The following SLC4A11 variants were observed in gnomAD, a reference collection of about 807,000 sequenced individuals.
SLC4A11 encodes bicarbonate transporter related protein 1.
Under a neutral mutation model 95.0 loss-of-function variants are expected in SLC4A11, and 74 were observed. The ratio of observed to expected loss-of-function variants is 0.78; its 90% CI spans 0.65 to 0.95. SLC4A11 has a LOEUF of 0.95. SLC4A11 is among the 40% of genes least tolerant of loss of function. SLC4A11 has a pLI of 0.00. For synonymous variants in SLC4A11, 548 were observed against 519.0 expected, an observed-to-expected ratio of 1.06 and a Z score of -0.76; for missense variants, 1,081 against 1,192.4, an observed-to-expected ratio of 0.91 and a Z score of 1.38.
chr20:3,238,914 C>T (rs998490813), intron 1 of SLC4A11, 181 bp downstream of exon 1: 8 of 1,258,870 alleles, frequency 6.4e-6, no homozygotes, highest in African/African-American at 6.3e-5. Flanking sequence ...CGCGAAGCCG[C>T]GCCCGGGCCT....
chr20:3,234,261 A>G lies in SLC4A11; in HGVS notation c.345T>C (p.Asp115=). The G allele has an allele frequency of 6.2e-7, 1 of 1,614,072 alleles. No individual in the cohort carries two copies. Among genetic ancestry groups the G allele is most frequent in the Non-Finnish European group, 8.5e-7 (1 of 1,180,022 alleles). Residue 115 remains aspartate, a synonymous_variant, in exon 5 of 20, where the codon GAT becomes GAC. Transcript: ENST00000642402. This position sits in a 1 kb window ranked among gnomAD's most constrained non-coding sequence, Gnocchi z 5.8. ...KEEIRAHRDL[D]GFLAQASIVL... The stretch of plus-strand genomic sequence containing the variant: ...CGATGCTGGCCTGCGCCAGGAAGCC[A>G]TCTAGGTCGCGGTGCGCACGGATCT...
Position 3,229,017 on chromosome 20 carries a change from G to T in SLC4A11, c.2019-6C>A. The T allele has an allele frequency of 1.2e-6, 2 of 1,612,666 alleles. No homozygotes were observed. The highest frequency in any genetic ancestry group is 1.7e-6 in the Non-Finnish European group (2 of 1,179,800). ...AGGCAGTGCCCTTCACCAGCCTGCA[G>T]CAGACGGGCACTCGTGGACAGAGCC... On this transcript the variant is annotated splice_polypyrimidine_tract_variant and splice_region_variant and intron_variant, in intron 16 of 19. Transcript: ENST00000642402.
At chr20:3,235,529 C>A (rs1431523831) in intron 2 of SLC4A11, among the ~76,000 whole-genome samples, 1 of 152,082 alleles carries the variant, frequency 6.6e-6, no homozygotes, top group South Asian at 2.1e-4. Context: ...TCATGTCAGC[C>A]CTGCCCCCAT....
Position 3,234,016 on chromosome 20 carries a change from G to C in SLC4A11, c.524-14C>G, listed in dbSNP as rs367993050. 3 of 1,613,712 alleles carry C rather than the reference G, an allele frequency of 1.9e-6. No homozygotes were observed. The highest frequency in any genetic ancestry group is 2.7e-5 in the African/African-American group (2 of 74,914). ...ACAGCAGGTGGACTGAGGAAAGAGT[G>C]AGGGGGAGGGTGGTGGGTCAACAGC... On this transcript the variant is annotated splice_polypyrimidine_tract_variant and intron_variant, in intron 5 of 19. Transcript: ENST00000642402. This position sits in a 1 kb window ranked among gnomAD's most constrained non-coding sequence, Gnocchi z 5.8.
upstream of SLC4A11, chr20:3,239,306 C>T (rs933610791): frequency 8.6e-6 from 10 of 1,162,140 alleles, no homozygotes; most frequent in Non-Finnish European, 1.1e-5. Flanking sequence ...GTAGGCAGAG[C>T]TGCCGAGGGC....
intron 19 of SLC4A11, 52 bp from the exon 20 acceptor site, chr20:3,227,908 G>A (rs1194233609): frequency 5.7e-6 from 9 of 1,570,262 alleles, no homozygotes; most frequent in Middle Eastern, 1.7e-4. Context: ...AGAAGGCAGT[G>A]GACACCCATC....
At position 3,229,241 on chromosome 20, in the gene SLC4A11, G is replaced by T. The variant is rs2067662298; in HGVS notation, c.1872C>A (p.Pro624=). ...EIEMSKFRYN[P]SESPFAMAQI... is the part of the protein sequence containing the mutation. ...GCGCCATCGCAAAGGGGCTCTCGCT[G>T]GGGTTGTAGCGGAACTTGCTCACTG... The change falls in exon 16 of 20, where the codon CCC becomes CCA. Residue 624 remains proline, a synonymous_variant. Transcript: ENST00000642402. 1 of 1,612,880 alleles carries T rather than the reference G, an allele frequency of 6.2e-7. No homozygotes were observed. Among genetic ancestry groups the T allele is most frequent in the Admixed American group, 1.7e-5 (1 of 60,014 alleles).
At chr20:3,233,799 A>C in intron 6 of SLC4A11, 122 bp downstream of exon 6, 1 of 1,515,846 alleles carries the variant, frequency 6.6e-7, no homozygotes, top group Non-Finnish European at 9.1e-7. Context: ...TCTTCTCCCA[A>C]GTTGGTTGGG....
At chr20:3,230,704 C>T in intron 11 of SLC4A11, 28 bp downstream of exon 11, 5 of 1,612,936 alleles carry the variant, frequency 3.1e-6, no homozygotes, top group South Asian at 2.2e-5. Context: ...GTCTCAGGCA[C>T]CATCTCCCGC....
intron 7 of SLC4A11, among the ~76,000 whole-genome samples, chr20:3,233,084 G>A (rs1006255299): frequency 6.6e-5 from 10 of 152,204 alleles, no homozygotes; most frequent in Admixed American, 6.5e-4. Context: ...GTTGAGACTT[G>A]TTAAATCCTT....
At position 3,231,452 on chromosome 20, in the gene SLC4A11, C is replaced by A; in HGVS notation, c.826G>T (p.Glu276Ter). Residue 276 changes from glutamate (E) to a stop codon, truncating the protein, a stop_gained, in exon 8 of 20, where the codon GAG (glutamate) becomes TAG (stop). Coordinates refer to ENST00000642402, the MANE Select transcript of SLC4A11 (RefSeq NM_001174089.2). LOFTEE classifies it high-confidence loss of function. This position sits in a 1 kb window ranked among gnomAD's most constrained non-coding sequence, Gnocchi z 5.2. The part of the protein sequence containing the change: ...RQKLLETRTE[E>*]EFKEALVHQR... The stretch of plus-strand genomic sequence containing the variant: ...TGCACCAAGGCCTCCTTGAATTCCT[C>A]CTCTGTGCGGGTCTCCAGGAGCTTC... 6.2e-7 allele frequency: 1 copy of A among 1,614,114 alleles called. No individual in the cohort carries two copies. Among genetic ancestry groups the A allele is most frequent in the Non-Finnish European group, 8.5e-7 (1 of 1,180,032 alleles).
intron 2 of SLC4A11, among the ~76,000 whole-genome samples, chr20:3,236,377 C>T (rs1010231315): frequency 6.6e-6 from 1 of 152,156 alleles, no homozygotes; most frequent in African/African-American, 2.4e-5. Flanking sequence ...GAGATCGAGA[C>T]CATCCTGGCT....
intron 2 of SLC4A11, 151 bp downstream of exon 2, chr20:3,237,393 C>T (rs1418108798): frequency 2.4e-6 from 2 of 825,918 alleles, no homozygotes; most frequent in African/African-American, 1.7e-5. Flanking sequence ...TGTCTAGCTT[C>T]CCGAAGAGTG....
At chr20:3,229,069 A>ACCCC in intron 16 of SLC4A11, 26 bp downstream of exon 16, 2 of 193,706 alleles carry the variant, frequency 1.0e-5, no homozygotes, top group Non-Finnish European at 9.0e-6. Flanking sequence ...GGCCCCGCCC[A>ACCCC]CCCCACCCTC....
At chr20:3,237,837 G>A in intron 1 of SLC4A11, 3 of 1,556,944 alleles carry the variant, frequency 1.9e-6, no homozygotes, top group Non-Finnish European at 2.6e-6. Flanking sequence ...AGGCGGGCCA[G>A]AGGCGAGGAG....
Position 3,229,189 on chromosome 20 carries a change from C to T in SLC4A11, c.1924G>A (p.Val642Ile), listed in dbSNP as rs778260935. ...AQIQSLSLRA[V>I]SGAMGLGFLL... ...AAGCCGAGGCCCATGGCACCGCTGA[C>T]GGCCCTCAGGGACAGCGACTGGATC... Residue 642 changes from valine to isoleucine, a missense_variant, in exon 16 of 20, where the codon GTC (valine) becomes ATC (isoleucine). Val to Ile is a conservative substitution (Grantham distance 29). Coordinates refer to ENST00000642402, the MANE Select transcript of SLC4A11 (RefSeq NM_001174089.2). The T allele has an allele frequency of 6.2e-6, 10 of 1,612,356 alleles. No homozygotes were observed. The highest frequency in any genetic ancestry group is 2.2e-5 in the South Asian group (2 of 91,070).
intron 1 of SLC4A11, chr20:3,237,830 C>T (rs2068032632): frequency 6.4e-7 from 1 of 1,562,486 alleles, no homozygotes; most frequent in Non-Finnish European, 8.7e-7. Flanking sequence ...GCTGCCCAGG[C>T]GGGCCAGAGG....
chr20:3,234,985 A>G lies in SLC4A11; in HGVS notation c.89-91T>C. 6.6e-7 allele frequency: 1 copy of G among 1,516,020 alleles called. No homozygotes were observed. Among genetic ancestry groups the G allele is most frequent in the Non-Finnish European group, 9.1e-7 (1 of 1,096,108 alleles). 93.9% of individuals were successfully genotyped at this position (1,516,020 alleles called of 1,614,324 possible). ...AAGCCCAGGGAGCAGGGACCCCTGG[A>G]CTGTCCCACTCTCGGGCCGTGGTGG... On this transcript the variant is annotated intron_variant, in intron 2 of 19. Coordinates refer to ENST00000642402, the MANE Select transcript of SLC4A11 (RefSeq NM_001174089.2). The surrounding 1 kb of genome is among the most constrained non-coding windows in gnomAD (Gnocchi z 5.8).
In SLC4A11 at chr20:3,229,620, G is replaced by C; in HGVS notation, c.1646C>G (p.Ser549Trp). 6.2e-7 allele frequency: 1 copy of C among 1,613,176 alleles called. No homozygotes were observed. The highest frequency in any genetic ancestry group is 2.2e-5 in the East Asian group (1 of 44,872). Residue 549 changes from serine to tryptophan, a missense_variant, in exon 14 of 20, where the codon TCG (serine) becomes TGG (tryptophan). This residue lies in a region of SLC4A11 where 767 missense variants were observed against 858.0 expected (regional missense o/e 0.89). Transcript: ENST00000642402. ...SFLASPTELP[S>W]ATHSGQATAV... is the part of the protein sequence containing the mutation. ...GGTCGCCTGGCCTGAGTGTGTGGCC[G>C]AGGGCAGCTCCGTGGGGCTGGCGAG...
Sources: allele counts gnomAD v4.1 joint callset (sites outside exome capture counted in the v4.1 genomes callset), GRCh38; gene constraint gnomAD v4.1.1; regional missense constraint gnomAD v4.1.1; non-coding constraint Gnocchi (gnomAD v3.1); transcripts MANE v1.5; gene names NCBI Gene and HGNC (gene_info 2026-07-23, HGNC 2026-07-21).